The following CCDC92B variants were observed in gnomAD, a reference collection of about 807,000 sequenced individuals.
CCDC92B encodes the protein coiled-coil domain-containing 92B.
Under a neutral mutation model 5.6 loss-of-function variants are expected in CCDC92B, and 2 were observed. The observed-to-expected ratio is 0.36, with a 90% CI of 0.15 to 1.12. CCDC92B has a LOEUF of 1.12. Among genes scored for constraint, CCDC92B ranks in the 50% most tolerant of loss-of-function variants. CCDC92B has a pLI of 0.40. For synonymous variants in CCDC92B, 115 were observed against 122.3 expected (o/e 0.94, Z 0.39); for missense variants, 271 against 262.2 (o/e 1.03, Z -0.23).
rs191388721 is a variant in CCDC92B at position 2,737,752 on chromosome 17, G to C, written c.-23-2584C>G. Among the ~76,000 whole-genome samples, 7 of 151,782 alleles carry C rather than the reference G, an allele frequency of 4.6e-5. No homozygotes were observed. In the East Asian group the frequency reaches 9.7e-4, roughly 21 times the overall value. ...CGGCCTCCCAAAGTGCTGGTATTAC[G>C]GGCGTGAGCCACCGCGTCCAGCCAT... On this transcript the variant is annotated intron_variant, in intron 1 of 3. Coordinates refer to ENST00000614400, the MANE Select transcript of CCDC92B (RefSeq NM_001355573.2).
intron 1 of CCDC92B, among the ~76,000 whole-genome samples, chr17:2,741,831 A>G (rs996110223): frequency 6.6e-6 from 1 of 150,866 alleles, no homozygotes; most frequent in African/African-American, 2.4e-5. Context: ...TGACCTCGTG[A>G]TCCGCCTGCC....
intron 3 of CCDC92B, among the ~76,000 whole-genome samples, chr17:2,730,097 T>G (rs935712335): frequency 3.3e-5 from 5 of 152,180 alleles, no homozygotes; most frequent in African/African-American, 1.2e-4. Context: ...CATTACCATT[T>G]CCTTCATGCC....
At chr17:2,725,826 A>G (rs976554094) in intron 3 of CCDC92B, among the ~76,000 whole-genome samples, 1 of 151,798 alleles carries the variant, frequency 6.6e-6, no homozygotes, top group Non-Finnish European at 1.5e-5. Flanking sequence ...TAAGATCTGA[A>G]GGATAAACAG....
At chr17:2,745,066 CA>C (rs60179555) in intron 1 of CCDC92B, among the ~76,000 whole-genome samples, 2,259 of 79,288 alleles carry the variant, frequency 0.028, 50 homozygotes, top group African/African-American at 0.093. Context: ...GACCCTGTCT[CA>C]AAAAAAAAAA....
intron 1 of CCDC92B, among the ~76,000 whole-genome samples, chr17:2,745,737 C>T (rs2070977851): frequency 6.6e-6 from 1 of 152,100 alleles, no homozygotes; most frequent in East Asian, 1.9e-4. Context: ...AAGCTCATGC[C>T]CGAGGACTTG....
rs1434327526 is a variant in CCDC92B at position 2,721,156 on chromosome 17, C to A, written c.*3255G>T. The A allele has an allele frequency of 6.6e-6, 1 of 152,420 alleles. No individual in the cohort carries two copies. 9.4% of individuals were successfully genotyped at this position (152,420 alleles called of 1,614,324 possible). Reference sequence around the variant, plus strand: ...AGGGTTATCCCATTTTGGCCCTGGACTAGTCCCCCAAGCTAGAGGGTGCTG... The same window carrying A: ...AGGGTTATCCCATTTTGGCCCTGGAATAGTCCCCCAAGCTAGAGGGTGCTG... On this transcript the variant is annotated 3_prime_UTR_variant, in exon 4 of 4. Coordinates refer to ENST00000614400, the MANE Select transcript of CCDC92B (RefSeq NM_001355573.2).
At chr17:2,731,495 G>A (rs2151739620) in intron 2 of CCDC92B, among the ~76,000 whole-genome samples, 1 of 152,302 alleles carries the variant, frequency 6.6e-6, no homozygotes, top group Non-Finnish European at 1.5e-5. Flanking sequence ...GTGAACCGGG[G>A]GTTGGGGAAG....
rs1333882988 is a variant in CCDC92B at position 2,723,097 on chromosome 17, G to A, written c.*1314C>T. The A allele has an allele frequency of 6.5e-6, 1 of 153,082 alleles. No homozygotes were observed. Among genetic ancestry groups the A allele is most frequent in the Non-Finnish European group, 1.5e-5 (1 of 68,762 alleles). The allele number at this position is 153,082 out of a possible 1,614,324, so 9.5% of individuals were successfully genotyped here. On this transcript the variant is annotated 3_prime_UTR_variant, in exon 4 of 4. Coordinates refer to ENST00000614400, the MANE Select transcript of CCDC92B (RefSeq NM_001355573.2). ...TAGGGGCATCCGTGGAGGGGGCCAG[G>A]ATGGGGACTAACCTGTGCTCCCACC...
chr17:2,744,495 G>A lies in CCDC92B; in HGVS notation c.-24+4916C>T, dbSNP rs190196995. Among the ~76,000 whole-genome samples the A allele has an allele frequency of 3.2e-4, 48 of 152,186 alleles. 1 individual carries two copies. In the East Asian group the frequency reaches 7.1e-3, roughly 23 times the overall value. On this transcript the variant is annotated intron_variant, in intron 1 of 3. Coordinates refer to ENST00000614400, the MANE Select transcript of CCDC92B (RefSeq NM_001355573.2). ...GCATGACCTCCTGCTTCCAGCCCCC[G>A]GTTTTTGTTTATTGTCTGTTTCTCC... is the stretch of plus-strand genomic sequence containing the variant.
At chr17:2,745,231 G>A (rs987406765) in intron 1 of CCDC92B, among the ~76,000 whole-genome samples, 17 of 152,198 alleles carry the variant, frequency 1.1e-4, no homozygotes, top group African/African-American at 3.6e-4. Context: ...CAAGGAGTAC[G>A]TGTGTGTGTT....
chr17:2,748,654 A>T (rs969584468), intron 1 of CCDC92B, among the ~76,000 whole-genome samples: 20 of 152,204 alleles, frequency 1.3e-4, no homozygotes, highest in African/African-American at 4.6e-4. Flanking sequence ...CTGCTGAAAC[A>T]GGGAGAATGG....
chr17:2,732,124 G>C (rs568425922), intron 2 of CCDC92B, among the ~76,000 whole-genome samples: 1 of 152,188 alleles, frequency 6.6e-6, no homozygotes, highest in Non-Finnish European at 1.5e-5. Flanking sequence ...TGCTGAACGC[G>C]TGTGAGCAGT....
rs145700822 is a variant in CCDC92B, at chr17:2,728,208, C to T, written c.178+2238G>A. On this transcript the variant is annotated intron_variant, in intron 3 of 3. Transcript: ENST00000614400. The stretch of plus-strand genomic sequence containing the variant: ...ATGTATCTGTAGTACCAGCTAATCT[C>T]GAGGTTGAGGTGGAAGGATCTCTTG... Among the ~76,000 whole-genome samples, 309 of 150,976 alleles carry T rather than the reference C, an allele frequency of 2.0e-3. 2 individuals are homozygous for T. The highest frequency in any genetic ancestry group is 7.5e-3 in the South Asian group (36 of 4,774).
intron 1 of CCDC92B, among the ~76,000 whole-genome samples, chr17:2,739,353 G>A (rs549473250): frequency 1.0e-4 from 15 of 148,324 alleles, no homozygotes; most frequent in African/African-American, 3.0e-4. Context: ...GCGACAGAGC[G>A]AGACTCCATC....
chr17:2,724,068 G>A lies in CCDC92B; in HGVS notation c.*343C>T, dbSNP rs2070692390. On this transcript the variant is annotated 3_prime_UTR_variant, in exon 4 of 4. Transcript: ENST00000614400. This position sits in a 1 kb window ranked among gnomAD's most constrained non-coding sequence, Gnocchi z 5.0. ...GCCCAGCCCTCCCCACCCCACCAAG[G>A]ATTGTCGGCTTTCCCGGGGAAGGGC... is the stretch of plus-strand genomic sequence containing the variant. The A allele has an allele frequency of 1.0e-6, 1 of 985,230 alleles. No individual in the cohort carries two copies. The highest frequency in any genetic ancestry group is 1.2e-6 in the Non-Finnish European group (1 of 829,910). 61.0% of individuals were successfully genotyped at this position (985,230 alleles called of 1,614,324 possible). A position where few individuals can be genotyped will look rare whatever the true frequency, so the allele number is the denominator to read the frequency against.
At position 2,727,793 on chromosome 17, in the gene CCDC92B, C is replaced by T. The variant is rs181732962; in HGVS notation, c.178+2653G>A. Among the ~76,000 whole-genome samples the T allele has an allele frequency of 5.4e-3, 801 of 148,164 alleles. 21 individuals are homozygous for T. Among genetic ancestry groups the T allele is most frequent in the Admixed American group, 0.049 (727 of 14,742 alleles). ...GAGCTGAGATCGCGCCACTGCACTC[C>T]AGCCTGGGCGCCAGAGTGAGACTCC... On this transcript the variant is annotated intron_variant, in intron 3 of 3. Transcript: ENST00000614400.
At chr17:2,728,360 C>A in intron 3 of CCDC92B, among the ~76,000 whole-genome samples, 1 of 150,842 alleles carries the variant, frequency 6.6e-6, no homozygotes, top group Non-Finnish European at 1.5e-5. Context: ...GTAATCCCAG[C>A]ACTTTGGGAG....
intron 1 of CCDC92B, chr17:2,748,478 C>A: frequency 1.1e-6 from 1 of 951,308 alleles, no homozygotes; most frequent in Non-Finnish European, 1.2e-6. Flanking sequence ...ACCTGGCTTC[C>A]GTGCAAAGCC....
chr17:2,733,358 C>T (rs1597238764), intron 2 of CCDC92B, among the ~76,000 whole-genome samples: 1 of 151,370 alleles, frequency 6.6e-6, no homozygotes, highest in Admixed American at 6.6e-5. Flanking sequence ...CTCCCAGGTT[C>T]AAGCGATTCT....
Sources: allele counts gnomAD v4.1 joint callset (sites outside exome capture counted in the v4.1 genomes callset), GRCh38; gene constraint gnomAD v4.1.1; non-coding constraint Gnocchi (gnomAD v3.1); transcripts MANE v1.5; gene names NCBI Gene and HGNC (gene_info 2026-07-23, HGNC 2026-07-21).